The following DARS1 variants were observed in gnomAD, a reference collection of about 807,000 sequenced individuals.
The protein encoded by DARS1 is aspartyl-tRNA synthetase 1.
Under a neutral mutation model 68.8 loss-of-function variants are expected in DARS1, and 51 were observed. The observed-to-expected ratio is 0.74, with a 90% confidence interval of 0.59 to 0.94. The LOEUF is 0.94. DARS1 is among the 40% of genes least tolerant of loss of function. The probability of loss-of-function intolerance (pLI) is 0.00; values close to 1 mark genes in which losing one functional copy is unlikely to be tolerated. For synonymous variants in DARS1, 203 were observed against 190.4 expected (o/e 1.07, Z -0.55); for missense variants, 607 against 597.3 (o/e 1.02, Z -0.17).
At chr2:135,978,595 C>T (rs900019806) in intron 3 of DARS1, among the ~76,000 whole-genome samples, 6 of 152,290 alleles carry the variant, frequency 3.9e-5, no homozygotes, top group African/African-American at 1.2e-4. Context: ...CTACAGTAGG[C>T]CAATTTTCTA....
At chr2:135,985,639 G>T (rs781285897), upstream of DARS1, 9 of 1,435,720 alleles carry the variant, frequency 6.3e-6, no homozygotes, top group Non-Finnish European at 8.3e-6. Context: ...CGAGAGCTGC[G>T]GCTATCTCGA....
intron 10 of DARS1, among the ~76,000 whole-genome samples, chr2:135,916,886 T>A (rs934747158): frequency 1.3e-5 from 2 of 152,168 alleles, no homozygotes; most frequent in Non-Finnish European, 2.9e-5. Flanking sequence ...GAAGATGATA[T>A]TTTATTGAGA....
At chr2:135,921,337 C>T (rs1276210564) in intron 9 of DARS1, among the ~76,000 whole-genome samples, 1 of 151,826 alleles carries the variant, frequency 6.6e-6, no homozygotes, top group Non-Finnish European at 1.5e-5. Flanking sequence ...ATATTTCTCA[C>T]TTCTTAATAC....
chr2:135,966,008 C>T (rs1682225967), intron 3 of DARS1, among the ~76,000 whole-genome samples: 1 of 152,168 alleles, frequency 6.6e-6, no homozygotes, highest in South Asian at 2.1e-4. Context: ...TGGTGACACA[C>T]CTTACTGCAT....
intron 4 of DARS1, among the ~76,000 whole-genome samples, chr2:135,948,327 T>C (rs1292433973): frequency 1.3e-5 from 2 of 152,212 alleles, no homozygotes; most frequent in African/African-American, 4.8e-5. Context: ...CACCTCTCTT[T>C]GGGCCTCAAC....
At chr2:135,939,163 T>TA (rs1179570983) in intron 5 of DARS1, among the ~76,000 whole-genome samples, 1 of 152,170 alleles carries the variant, frequency 6.6e-6, no homozygotes, top group African/African-American at 2.4e-5. Context: ...GCGGACCTAA[T>TA]AGACATCTGC....
intron 4 of DARS1, among the ~76,000 whole-genome samples, chr2:135,954,293 T>A (rs1681911535): frequency 1.0e-5 from 1 of 100,128 alleles, no homozygotes; most frequent in Admixed American, 1.3e-4. Flanking sequence ...TTTCCTCACC[T>A]GAAAACAAAA....
chr2:135,911,524 G>T, intron 13 of DARS1, 31 bp from the exon 14 acceptor site: 1 of 826,120 alleles, frequency 1.2e-6, no homozygotes, highest in South Asian at 1.4e-5. Flanking sequence ...GTCCTCAAGT[G>T]ACTACCATCC....
intron 3 of DARS1, among the ~76,000 whole-genome samples, chr2:135,975,799 A>AAT (rs1417162800): frequency 6.6e-6 from 1 of 151,048 alleles, no homozygotes; most frequent in East Asian, 1.9e-4. Context: ...AAATACAAAA[A>AAT]TTAGCTGGAT....
intron 7 of DARS1, among the ~76,000 whole-genome samples, chr2:135,932,400 A>T (rs891537834): frequency 6.6e-6 from 1 of 152,038 alleles, no homozygotes; most frequent in South Asian, 2.1e-4. Flanking sequence ...AGCATTAATT[A>T]CTCATCTCCA....
At chr2:135,983,579 AAGTC>A (rs1682690345) in intron 1 of DARS1, 125 bp from the exon 2 acceptor site, 2 of 537,546 alleles carry the variant, frequency 3.7e-6, no homozygotes, top group Admixed American at 3.7e-5. Context: ...TTAATTCAGA[AAGTC>A]AGTAGTTTCA....
intron 2 of DARS1, 150 bp downstream of exon 2, chr2:135,983,247 G>A (rs376266781): frequency 3.4e-6 from 2 of 591,442 alleles, no homozygotes; most frequent in African/African-American, 1.9e-5. Context: ...GTTTACACAG[G>A]GTTATGACAT....
At chr2:135,922,946 TATTATA>T in intron 8 of DARS1, 28 bp from the exon 9 acceptor site, 1 of 1,475,800 alleles carries the variant, frequency 6.8e-7, no homozygotes, top group Non-Finnish European at 8.9e-7. Flanking sequence ...ATATTTATAT[TATTATA>T]ATCAATTGTA....
At chr2:135,917,535 G>A (rs1681031212) in intron 10 of DARS1, among the ~76,000 whole-genome samples, 1 of 152,006 alleles carries the variant, frequency 6.6e-6, no homozygotes, top group African/African-American at 2.4e-5. Context: ...GAGCGCAGTG[G>A]TGCAATCTTG....
At chr2:135,935,696 G>C (rs1321861600) in intron 5 of DARS1, among the ~76,000 whole-genome samples, 1 of 152,184 alleles carries the variant, frequency 6.6e-6, no homozygotes, top group Non-Finnish European at 1.5e-5. Flanking sequence ...CATAAAGACT[G>C]AACTAGAGTT....
At chr2:135,964,244 C>T (rs1391829096) in intron 3 of DARS1, among the ~76,000 whole-genome samples, 1 of 152,178 alleles carries the variant, frequency 6.6e-6, no homozygotes, top group African/African-American at 2.4e-5. Context: ...CAAAATGTGG[C>T]TACCAATGAA....
intron 9 of DARS1, 22 bp from the exon 10 acceptor site, chr2:135,920,622 TAGAG>T (rs762421415): frequency 3.8e-6 from 6 of 1,561,188 alleles, no homozygotes; most frequent in Admixed American, 4.2e-5. Flanking sequence ...ATAAAAGAAA[TAGAG>T]AGCAAACACT....
At position 135,961,379 on chromosome 2, in the gene DARS1, T is replaced by C. The variant is rs1015377439; in HGVS notation, c.320+17A>G. ...ACCATTGTTTATTCTGACAACAGGA[T>C]ATAATTGCTTACTTACTTGGCAGCA... is the stretch of plus-strand genomic sequence containing the variant. On this transcript the variant is annotated intron_variant, in intron 4 of 15. Transcript: ENST00000264161. 17 of 1,056,416 alleles carry C rather than the reference T, an allele frequency of 1.6e-5. No homozygotes were observed. The highest frequency in any genetic ancestry group is 2.5e-5 in the Non-Finnish European group (17 of 669,888). The allele number at this position is 1,056,416 out of a possible 1,614,324, so 65.4% of individuals were successfully genotyped here.
At chr2:135,937,245 C>T (rs989236605) in intron 5 of DARS1, among the ~76,000 whole-genome samples, 1 of 152,000 alleles carries the variant, frequency 6.6e-6, no homozygotes, top group South Asian at 2.1e-4. Context: ...CCTGCCACCA[C>T]GCCTGGCTAA....
Sources: allele counts gnomAD v4.1 joint callset (sites outside exome capture counted in the v4.1 genomes callset), GRCh38; gene constraint gnomAD v4.1.1; transcripts MANE v1.5; gene names NCBI Gene and HGNC (gene_info 2026-07-23, HGNC 2026-07-21).